Variants in EPS8L3 observed in about 807,000 individuals in gnomAD.
EPS8L3 encodes epidermal growth factor receptor kinase substrate 8-like protein 3.
EPS8L3 carries 80 observed loss-of-function variants against 88.5 expected under a neutral mutation model. That is an observed-to-expected ratio of 0.90 (90% CI 0.75 to 1.09). The LOEUF (loss-of-function observed/expected upper bound fraction) is 1.09. EPS8L3 is among the 50% of genes least tolerant of loss of function. The probability of loss-of-function intolerance (pLI) is 0.00; values close to 1 mark genes in which losing one functional copy is unlikely to be tolerated. For missense variants in EPS8L3, 721 were observed against 735.2 expected (o/e 0.98, Z 0.22); for synonymous variants, 286 against 291.0 (o/e 0.98, Z 0.18).
intron 6 of EPS8L3, 88 bp downstream of exon 6, chr1:109,758,974 C>T (rs905560745): frequency 7.1e-7 from 1 of 1,408,782 alleles, no homozygotes; most frequent in South Asian, 1.3e-5. Flanking sequence ...GCCACAACCT[C>T]CTGGGTGCCC....
intron 17 of EPS8L3, 31 bp from the exon 18 acceptor site, chr1:109,750,823 G>T (rs1182847752): frequency 3.1e-6 from 5 of 1,613,334 alleles, no homozygotes; most frequent in Non-Finnish European, 4.2e-6. Flanking sequence ...GCCATCCGTG[G>T]TGGGCTGGAA....
intron 17 of EPS8L3, 129 bp from the exon 18 acceptor site, chr1:109,750,921 T>A (rs560464356): frequency 5.0e-5 from 56 of 1,116,448 alleles, no homozygotes; most frequent in Non-Finnish European, 6.1e-5. Context: ...GTAGGCTATC[T>A]GAGATTGAAG....
intron 15 of EPS8L3, 64 bp from the exon 16 acceptor site, chr1:109,751,846 A>C: frequency 6.2e-7 from 1 of 1,603,352 alleles, no homozygotes; most frequent in Middle Eastern, 1.7e-4. Flanking sequence ...TCCCCACACA[A>C]GGCTTTCTCC....
rs746968674 is a variant in EPS8L3, at chr1:109,759,813, C to T, written c.120G>A (p.Gly40=). The change falls in exon 4 of 19, where the codon GGG becomes GGA. Residue 40 remains glycine, a synonymous_variant. Transcript: ENST00000361965. This position sits in a 1 kb window ranked among gnomAD's most constrained non-coding sequence, Gnocchi z 4.2. ...RVEHLMTCKQ[G]SQRVQGPEDA... is the part of the protein sequence containing the mutation. ...CCTCGGGCCCCTGGACTCTCTGACT[C>T]CCCTGCTTGCATGTCATCAAGTGCT... 1.2e-6 allele frequency: 2 copies of T among 1,613,876 alleles called. No individual in the cohort carries two copies. Among genetic ancestry groups the T allele is most frequent in the Non-Finnish European group, 8.5e-7 (1 of 1,179,988 alleles).
chr1:109,759,663 G>A lies in EPS8L3; in HGVS notation c.255+15C>T, dbSNP rs757726368. On this transcript the variant is annotated intron_variant, in intron 4 of 18. Coordinates refer to ENST00000361965, the MANE Select transcript of EPS8L3 (RefSeq NM_133181.4). The surrounding 1 kb of genome is among the most constrained non-coding windows in gnomAD (Gnocchi z 4.2). The stretch of plus-strand genomic sequence containing the variant: ...GCCCAGGCTGGCTATCACTGGGTTT[G>A]CTGGGAAGGCTGACCTTGGTCTCAA... 17 of 1,611,982 alleles carry A rather than the reference G, an allele frequency of 1.1e-5. No homozygotes were observed. The highest frequency in any genetic ancestry group is 1.0e-4 in the Admixed American group (6 of 59,936).
chr1:109,757,357 C>A (rs1007314723), intron 11 of EPS8L3, 124 bp downstream of exon 11: 4 of 1,161,338 alleles, frequency 3.4e-6, no homozygotes, highest in Non-Finnish European at 4.9e-6. Context: ...GGCTCTGACC[C>A]CAGCTCATCT....
chr1:109,753,816 A>G (rs565246273), intron 12 of EPS8L3, among the ~76,000 whole-genome samples: 1 of 152,288 alleles, frequency 6.6e-6, no homozygotes, highest in South Asian at 2.1e-4. Flanking sequence ...ATGCCCATTC[A>G]TTTCCTTGAA....
In EPS8L3 at chr1:109,758,599, G is replaced by A. The variant is rs1442543354; in HGVS notation, c.526C>T (p.Leu176Phe). 5.0e-6 allele frequency: 8 copies of A among 1,613,094 alleles called. No individual in the cohort carries two copies. Among genetic ancestry groups the A allele is most frequent in the Admixed American group, 3.3e-5 (2 of 59,884 alleles). ...RWRGPAMERP[L>F]PMEQARYLEP... is the part of the protein sequence containing the mutation. ...AGATAGCGTGCCTGCTCCATAGGGA[G>A]CGGCCTTTCCATAGCAGGCCCCCTC... The change falls in exon 7 of 19, where the codon CTC (leucine) becomes TTC (phenylalanine). Residue 176 changes from leucine to phenylalanine, a missense_variant. Leu to Phe is a conservative substitution (Grantham distance 22). Coordinates refer to ENST00000361965, the MANE Select transcript of EPS8L3 (RefSeq NM_133181.4).
Position 109,761,300 on chromosome 1 carries a change from C to A in EPS8L3, c.96+195G>T, listed in dbSNP as rs921944581. The A allele has an allele frequency of 1.2e-5, 7 of 590,648 alleles. No individual in the cohort carries two copies. The African/African-American group carries it at 1.3e-4, about 11-fold the overall frequency. The allele number at this position is 590,648 out of a possible 1,614,324, so 36.6% of individuals were successfully genotyped here. On this transcript the variant is annotated intron_variant, in intron 3 of 18. Transcript: ENST00000361965. Reference sequence around the variant, plus strand: ...AGGCCTGCTCTGTTCAATCTGACCACCCCTCCCCGTCCCTGACACTGAGCA... The same window carrying A: ...AGGCCTGCTCTGTTCAATCTGACCAACCCTCCCCGTCCCTGACACTGAGCA...
At chr1:109,761,886 C>T in intron 1 of EPS8L3, 113 bp from the exon 2 acceptor site, 1 of 907,376 alleles carries the variant, frequency 1.1e-6, no homozygotes, top group Non-Finnish European at 1.7e-6. Context: ...GGACCAGACC[C>T]AAAGCCCCTG....
intron 1 of EPS8L3, 137 bp downstream of exon 1, chr1:109,763,685 T>C (rs1053916340): frequency 2.0e-5 from 3 of 152,762 alleles, no homozygotes; most frequent in African/African-American, 7.2e-5. Context: ...AAGCCCCTCC[T>C]TGGGCTTGAT....
At position 109,759,585 on chromosome 1, in the gene EPS8L3, G is replaced by A. The variant is rs1650690081; in HGVS notation, c.255+93C>T. Reference sequence around the variant, plus strand: ...TGTGTTGTATGTGGGGAGAGTGGCTGCCCTTTGGGGCATGGAGGGTGGAGT... The same window carrying A: ...TGTGTTGTATGTGGGGAGAGTGGCTACCCTTTGGGGCATGGAGGGTGGAGT... On this transcript the variant is annotated intron_variant, in intron 4 of 18. Transcript: ENST00000361965. The surrounding 1 kb of genome is among the most constrained non-coding windows in gnomAD (Gnocchi z 4.2). The A allele has an allele frequency of 1.3e-6, 2 of 1,510,682 alleles. No homozygotes were observed. The highest frequency in any genetic ancestry group is 4.7e-5 in the East Asian group (2 of 42,686). 93.6% of individuals were successfully genotyped at this position (1,510,682 alleles called of 1,614,324 possible).
Position 109,750,587 on chromosome 1 carries a change from C to T in EPS8L3, c.1770+73G>A, listed in dbSNP as rs936446594. On this transcript the variant is annotated intron_variant, in intron 18 of 18. Coordinates refer to ENST00000361965, the MANE Select transcript of EPS8L3 (RefSeq NM_133181.4). Reference sequence around the variant, plus strand: ...CCCAGGGCTGGGCCTGCAGGCTTTTCCAACTGGCCCTCTCTCTCACCCAGG... The same window carrying T: ...CCCAGGGCTGGGCCTGCAGGCTTTTTCAACTGGCCCTCTCTCTCACCCAGG... 2.5e-6 allele frequency: 4 copies of T among 1,606,388 alleles called. No individual in the cohort carries two copies. In the African/African-American group the frequency reaches 5.3e-5, roughly 21 times the overall value.
At position 109,751,317 on chromosome 1, in the gene EPS8L3, T is replaced by C. The variant is rs1399347131; in HGVS notation, c.1598A>G (p.Glu533Gly). The C allele has an allele frequency of 1.9e-6, 3 of 1,613,838 alleles. No individual in the cohort carries two copies. Among genetic ancestry groups the C allele is most frequent in the Admixed American group, 3.3e-5 (2 of 59,988 alleles). The change falls in exon 17 of 19, where the codon GAG (glutamate) becomes GGG (glycine). Residue 533 changes from glutamate to glycine, a missense_variant. By Grantham distance (98) the Glu-to-Gly change is moderately conservative (BLOSUM62 -2). Transcript: ENST00000361965. Reference protein sequence around the residue: ...PMLRLSSRPEEVTDWLQAENF... With the variant: ...PMLRLSSRPEGVTDWLQAENF... ...CTCTGCCTGCAGCCAGTCTGTGACC[T>C]CTTCAGGCCTCGAGCTAAGTCGAAG...
chr1:109,750,707 C>T lies in EPS8L3; in HGVS notation c.1723G>A (p.Ala575Thr). 6.2e-7 allele frequency: 1 copy of T among 1,614,196 alleles called. No individual in the cohort carries two copies. Among genetic ancestry groups the T allele is most frequent in the Non-Finnish European group, 8.5e-7 (1 of 1,180,034 alleles). Residue 575 changes from alanine to threonine, a missense_variant, in exon 18 of 19, where the codon GCC becomes ACC. Coordinates refer to ENST00000361965, the MANE Select transcript of EPS8L3 (RefSeq NM_133181.4). ...TCCAGCCGGGACAGGATTCGTGGGGCCTCCTGTGGACATAGCATCTGTAGC... is the reference window on the plus strand; with the variant it reads ...TCCAGCCGGGACAGGATTCGTGGGGTCTCCTGTGGACATAGCATCTGTAGC... Reference protein sequence around the residue: ...GELQMLCPQEAPRILSRLEAV... With the variant: ...GELQMLCPQETPRILSRLEAV...
At chr1:109,757,407 A>C (rs1650391504) in intron 11 of EPS8L3, 74 bp downstream of exon 11, 1 of 1,409,142 alleles carries the variant, frequency 7.1e-7, no homozygotes. Flanking sequence ...CCCCTCCACC[A>C]GCTCCTTTCC....
intron 14 of EPS8L3, chr1:109,752,417 A>T (rs1024997559): frequency 1.6e-6 from 1 of 606,446 alleles, no homozygotes; most frequent in Non-Finnish European, 2.9e-6. Flanking sequence ...GGAATTTTCT[A>T]CATCTGAGTT....
chr1:109,760,610 T>G (rs557694930), intron 3 of EPS8L3, among the ~76,000 whole-genome samples: 114 of 152,130 alleles, frequency 7.5e-4, no homozygotes, highest in Admixed American at 1.2e-3. Context: ...CTCTGCCTGC[T>G]GGGCCTAAAA....
chr1:109,756,912 A>G (rs1210712718), intron 12 of EPS8L3, 105 bp downstream of exon 12: 1 of 1,450,082 alleles, frequency 6.9e-7, no homozygotes, highest in African/African-American at 1.4e-5. Context: ...TAGCTCTGAA[A>G]TATTTCTGGT....
Sources: allele counts gnomAD v4.1 joint callset (sites outside exome capture counted in the v4.1 genomes callset), GRCh38; gene constraint gnomAD v4.1.1; non-coding constraint Gnocchi (gnomAD v3.1); transcripts MANE v1.5; gene names NCBI Gene and HGNC (gene_info 2026-07-23, HGNC 2026-07-21).